Variants in PCDHA7 observed in about 807,000 individuals in gnomAD.
PCDHA7 encodes protocadherin alpha-7.
A neutral mutation model predicts 57.2 loss-of-function variants in PCDHA7; 37 were observed. The observed-to-expected ratio is 0.65, with a 90% confidence interval of 0.50 to 0.85. The LOEUF (loss-of-function observed/expected upper bound fraction) is 0.85, where lower values mean the gene tolerates loss of function less well. PCDHA7 is among the 40% of genes least tolerant of loss of function. The pLI is 0.00. For synonymous variants in PCDHA7, 553 were observed against 558.8 expected (o/e 0.99, Z 0.15); for missense variants, 1,188 against 1,241.8 (o/e 0.96, Z 0.65).
chr5:140,882,582 A>G (rs1554174663), intron 1 of PCDHA7: 1 of 1,614,114 alleles, frequency 6.2e-7, no homozygotes, highest in East Asian at 2.2e-5. Context: ...TGCAGCATCC[A>G]CCTGGAGGTG....
At chr5:140,912,578 A>G (rs2075983045) in intron 1 of PCDHA7, among the ~76,000 whole-genome samples, 1 of 152,052 alleles carries the variant, frequency 6.6e-6, no homozygotes, top group Admixed American at 6.5e-5. Context: ...CCTCTTTTCC[A>G]ATTTGGATGC....
intron 1 of PCDHA7, chr5:140,855,997 T>C (rs1562502842): frequency 1.3e-6 from 2 of 1,505,732 alleles, no homozygotes; most frequent in Non-Finnish European, 1.8e-6. Flanking sequence ...TCAGATCGTA[T>C]GTGCGTTCTA....
intron 1 of PCDHA7, among the ~76,000 whole-genome samples, chr5:140,912,746 A>G (rs1322674627): frequency 6.6e-6 from 1 of 152,200 alleles, no homozygotes; most frequent in Admixed American, 6.5e-5. Flanking sequence ...TGGGTCTGTC[A>G]TAGATGGCTT....
At position 140,912,253 on chromosome 5, in the gene PCDHA7, G is replaced by A. The variant is rs531201374; in HGVS notation, c.2356-66696G>A. Among the ~76,000 whole-genome samples the A allele has an allele frequency of 4.8e-4, 73 of 152,064 alleles. 1 individual carries two copies. The highest frequency in any genetic ancestry group is 1.5e-3 in the South Asian group (7 of 4,810). ...ACTGACTCAAATGTTAATCTCCTTTGATGACACCCTCACAGATATACCCAG... is the reference window on the plus strand; with the variant it reads ...ACTGACTCAAATGTTAATCTCCTTTAATGACACCCTCACAGATATACCCAG... On this transcript the variant is annotated intron_variant, in intron 1 of 3. Coordinates refer to ENST00000525929, the MANE Select transcript of PCDHA7 (RefSeq NM_018910.3).
In PCDHA7 at chr5:140,842,895, A is replaced by G; in HGVS notation, c.2355+6157A>G. On this transcript the variant is annotated intron_variant, in intron 1 of 3. Coordinates refer to ENST00000525929, the MANE Select transcript of PCDHA7 (RefSeq NM_018910.3). ...GTGTACGCGCTGCAGCCGCTGGACC[A>G]CGAGGAGCTAGAGCTGCTGCAGTTC... 8 of 1,594,156 alleles carry G rather than the reference A, an allele frequency of 5.0e-6. 1 individual carries two copies. Among genetic ancestry groups the G allele is most frequent in the Non-Finnish European group, 6.9e-6 (8 of 1,165,410 alleles).
intron 1 of PCDHA7, chr5:140,968,724 G>C: frequency 6.2e-7 from 1 of 1,614,090 alleles, no homozygotes; most frequent in Non-Finnish European, 8.5e-7. Context: ...GATGAGAGTG[G>C]TAGCACTTTC....
In PCDHA7 at chr5:140,877,342, G is replaced by A. The variant is rs1462091033; in HGVS notation, c.2355+40604G>A. On this transcript the variant is annotated intron_variant, in intron 1 of 3. Coordinates refer to ENST00000525929, the MANE Select transcript of PCDHA7 (RefSeq NM_018910.3). ...GGTCGGCGCGCACATCCCGTTCCACGTGGGGCTGTACACTGGCGAGATCAG... is the reference window on the plus strand; with the variant it reads ...GGTCGGCGCGCACATCCCGTTCCACATGGGGCTGTACACTGGCGAGATCAG... 5 of 1,613,904 alleles carry A rather than the reference G, an allele frequency of 3.1e-6. No individual in the cohort carries two copies. The African/African-American group carries it at 6.7e-5, about 22-fold the overall frequency.
At chr5:140,967,695 T>C (rs782761674) in intron 1 of PCDHA7, 5 of 1,614,184 alleles carry the variant, frequency 3.1e-6, no homozygotes, top group Admixed American at 1.7e-5. Flanking sequence ...CTCTTCAGCA[T>C]AGATGCCAGT....
intron 1 of PCDHA7, among the ~76,000 whole-genome samples, chr5:140,879,793 C>T (rs1417873343): frequency 2.0e-5 from 3 of 152,192 alleles, no homozygotes; most frequent in Admixed American, 6.5e-5. Flanking sequence ...GTTTTTGTTT[C>T]TTCCAGTTTC....
At position 140,849,787 on chromosome 5, in the gene PCDHA7, G is replaced by T. The variant is rs1421161535; in HGVS notation, c.2355+13049G>T. 3 of 1,598,342 alleles carry T rather than the reference G, an allele frequency of 1.9e-6. 1 individual carries two copies. In the African/African-American group the frequency reaches 4.0e-5, roughly 21 times the overall value. On this transcript the variant is annotated intron_variant, in intron 1 of 3. Transcript: ENST00000525929. Reference sequence around the variant, plus strand: ...CTGGTGGTTACCGCGCGGGACGGGGGCTCGCCTTCACTGTGGGCCACGGCC... The same window carrying T: ...CTGGTGGTTACCGCGCGGGACGGGGTCTCGCCTTCACTGTGGGCCACGGCC...
intron 3 of PCDHA7, among the ~76,000 whole-genome samples, chr5:140,989,362 G>A (rs1264795948): frequency 6.6e-6 from 1 of 152,176 alleles, no homozygotes; most frequent in African/African-American, 2.4e-5. Context: ...GGTCACCTGT[G>A]TGACTGAGAG....
In PCDHA7 at chr5:140,835,022, G is replaced by C; in HGVS notation, c.639G>C (p.Thr213=). 2 of 1,341,264 alleles carry C rather than the reference G, an allele frequency of 1.5e-6. No homozygotes were observed. Among genetic ancestry groups the C allele is most frequent in the South Asian group, 1.4e-5 (1 of 71,818 alleles). The allele number at this position is 1,341,264 out of a possible 1,614,324, so 83.1% of individuals were successfully genotyped here. A position where few individuals can be genotyped will look rare whatever the true frequency, so the allele number is the denominator to read the frequency against. Reference sequence around the variant, plus strand: ...CTCCGGAGCTTCATTTATTGCTCACGGCCACCGATGGAGGCAAACCCGAGC... The same window carrying C: ...CTCCGGAGCTTCATTTATTGCTCACCGCCACCGATGGAGGCAAACCCGAGC... ...EETPELHLLL[T]ATDGGKPELT... Residue 213 remains threonine (T), a synonymous_variant, in exon 1 of 4, where the codon ACG becomes ACC. Coordinates refer to ENST00000525929, the MANE Select transcript of PCDHA7 (RefSeq NM_018910.3).
rs1554146072 is a variant in PCDHA7 at position 140,852,730 on chromosome 5, T to G, written c.2355+15992T>G. On this transcript the variant is annotated intron_variant, in intron 1 of 3. Coordinates refer to ENST00000525929, the MANE Select transcript of PCDHA7 (RefSeq NM_018910.3). ...TTTGTCTTTGCACGTTTTTCAAGTT[T>G]CATGTGCCATTTAAACTTGGACCCA... 29 of 983,856 alleles carry G rather than the reference T, an allele frequency of 2.9e-5. 3 individuals carry two copies. The highest frequency in any genetic ancestry group is 3.6e-5 in the Non-Finnish European group (29 of 816,252). The allele number at this position is 983,856 out of a possible 1,614,324, so 60.9% of individuals were successfully genotyped here.
chr5:140,986,195 A>G (rs1200850544), intron 3 of PCDHA7, among the ~76,000 whole-genome samples: 1 of 152,314 alleles, frequency 6.6e-6, no homozygotes, highest in Non-Finnish European at 1.5e-5. Context: ...TAAATTGGTT[A>G]ATCCTGATTA....
chr5:140,852,931 T>G (rs1554146230), intron 1 of PCDHA7: 1 of 623,668 alleles, frequency 1.6e-6, no homozygotes, highest in Non-Finnish European at 2.1e-6. Flanking sequence ...CAGGCTGGAG[T>G]GCAGTGGTGC....
intron 1 of PCDHA7, chr5:140,855,863 C>T (rs1435848910): frequency 2.6e-6 from 2 of 763,574 alleles, no homozygotes; most frequent in East Asian, 2.7e-5. Context: ...ATGTCGCTGT[C>T]GTCCACAAAA....
intron 1 of PCDHA7, among the ~76,000 whole-genome samples, chr5:140,902,823 G>A (rs182466889): frequency 1.6e-3 from 246 of 151,864 alleles, no homozygotes; most frequent in Non-Finnish European, 2.9e-3. Flanking sequence ...TTTGGTTTTC[G>A]ATTTCTGAGT....
chr5:140,867,676 G>T (rs2050100182), intron 1 of PCDHA7: 1 of 151,988 alleles, frequency 6.6e-6, no homozygotes, highest in Admixed American at 6.6e-5. Flanking sequence ...CTAAAATTTT[G>T]TTGCATCTTC....
At chr5:140,983,904 C>T (rs1227752084) in intron 3 of PCDHA7, among the ~76,000 whole-genome samples, 2 of 152,164 alleles carry the variant, frequency 1.3e-5, no homozygotes, top group African/African-American at 4.8e-5. Context: ...TTCGTTGATT[C>T]TAATCAGCCA....
Sources: allele counts gnomAD v4.1 joint callset (sites outside exome capture counted in the v4.1 genomes callset), GRCh38; gene constraint gnomAD v4.1.1; transcripts MANE v1.5; gene names NCBI Gene and HGNC (gene_info 2026-07-23, HGNC 2026-07-21).